Variants in GRIK2 observed in about 807,000 individuals in gnomAD.
GRIK2 encodes the protein glutamate receptor ionotropic, kainate 2.
GRIK2 carries 32 observed loss-of-function variants against 100.3 expected under a neutral mutation model. The observed-to-expected ratio is 0.32, with a 90% CI of 0.24 to 0.43. The LOEUF (loss-of-function observed/expected upper bound fraction) is 0.43. Among genes scored for constraint, GRIK2 ranks in the 20% least tolerant of loss-of-function variants. The pLI is 1.00. For synonymous variants in GRIK2, 417 were observed against 389.4 expected, an observed-to-expected ratio of 1.07 and a Z score of -0.83; for missense variants, 843 against 1,114.9, an observed-to-expected ratio of 0.76 and a Z score of 3.47.
intron 4 of GRIK2, among the ~76,000 whole-genome samples, chr6:101,659,797 C>G (rs1389629935): frequency 6.6e-6 from 1 of 152,052 alleles, no homozygotes; most frequent in East Asian, 1.9e-4. Context: ...GAATATTGGC[C>G]CCCACTCTCT....
intron 4 of GRIK2, among the ~76,000 whole-genome samples, chr6:101,650,025 T>G (rs2128327945): frequency 6.6e-6 from 1 of 152,242 alleles, no homozygotes; most frequent in Non-Finnish European, 1.5e-5. Flanking sequence ...AGACAAGCTC[T>G]TTGCAACAGG....
intron 14 of GRIK2, among the ~76,000 whole-genome samples, chr6:102,015,667 CT>C (rs1422967173): frequency 6.6e-6 from 1 of 152,190 alleles, no homozygotes; most frequent in Non-Finnish European, 1.5e-5. Flanking sequence ...GCTGCTGCTG[CT>C]ACTGCTTCTG....
intron 9 of GRIK2, among the ~76,000 whole-genome samples, chr6:101,803,635 T>G (rs750947548): frequency 6.6e-6 from 1 of 151,924 alleles, no homozygotes; most frequent in Non-Finnish European, 1.5e-5. Context: ...GAGTTTATCT[T>G]ACTGTTTACT....
At chr6:101,444,204 C>T (rs892292557) in intron 2 of GRIK2, among the ~76,000 whole-genome samples, 1 of 152,012 alleles carries the variant, frequency 6.6e-6, no homozygotes, top group Non-Finnish European at 1.5e-5. Flanking sequence ...CAGGCATGTG[C>T]CACCACATCC....
At chr6:101,930,356 A>AAAT (rs147211262) in intron 14 of GRIK2, among the ~76,000 whole-genome samples, 125,610 of 149,638 alleles carry the variant, frequency 0.84, 52,602 homozygotes, top group East Asian at 0.92. Flanking sequence ...AAAAAAAAAT[A>AAAT]AAATAAAATA....
chr6:101,798,610 A>G (rs1399309817), intron 7 of GRIK2, among the ~76,000 whole-genome samples: 3 of 151,998 alleles, frequency 2.0e-5, no homozygotes, highest in Non-Finnish European at 2.9e-5. Flanking sequence ...ATTGTGGCAA[A>G]TGCTGTAATC....
chr6:101,469,332 C>G (rs934224609), intron 2 of GRIK2, among the ~76,000 whole-genome samples: 1 of 152,068 alleles, frequency 6.6e-6, no homozygotes, highest in Non-Finnish European at 1.5e-5. Context: ...CTACCTTTCC[C>G]ACACTCCTTA....
At chr6:101,873,178 G>C (rs922040371) in intron 11 of GRIK2, among the ~76,000 whole-genome samples, 6 of 151,712 alleles carry the variant, frequency 4.0e-5, no homozygotes, top group African/African-American at 9.7e-5. Flanking sequence ...CATGTGCCAC[G>C]TTGGTGTGCT....
intron 2 of GRIK2, among the ~76,000 whole-genome samples, chr6:101,565,935 GTATATATA>G (rs60158757): frequency 2.9e-4 from 32 of 109,500 alleles, no homozygotes; most frequent in African/African-American, 1.2e-3. Context: ...ATATATATGT[GTATATATA>G]TATATATATA....
At chr6:101,858,378 T>A (rs901442711) in intron 10 of GRIK2, among the ~76,000 whole-genome samples, 12 of 146,488 alleles carry the variant, frequency 8.2e-5, no homozygotes, top group Non-Finnish European at 1.2e-4. Flanking sequence ...CTCTCTCTAT[T>A]TTTTTTTCTT....
rs545780945 is a variant in GRIK2 at position 101,930,926 on chromosome 6, T to C, written c.2085+2294T>C. Reference sequence around the variant, plus strand: ...TTCCAACAGCACATATATTATTTCTTTAGAATTGTATTTGGAATGTACACA... The same window carrying C: ...TTCCAACAGCACATATATTATTTCTCTAGAATTGTATTTGGAATGTACACA... On this transcript the variant is annotated intron_variant, in intron 14 of 16. Transcript: ENST00000369134. 3.4e-4 allele frequency among the ~76,000 whole-genome samples: 52 copies of C among 152,254 alleles called. 1 individual carries two copies. In the South Asian group the frequency reaches 0.011, roughly 31 times the overall value.
chr6:101,470,311 T>C lies in GRIK2; in HGVS notation c.115+70919T>C, dbSNP rs950401239. Among the ~76,000 whole-genome samples, 5 of 152,266 alleles carry C rather than the reference T, an allele frequency of 3.3e-5. 1 individual carries two copies. The East Asian group carries it at 7.7e-4, about 24-fold the overall frequency. On this transcript the variant is annotated intron_variant, in intron 2 of 16. Transcript: ENST00000369134. ...TTCTAGCTGACTTGAGTTGGCTTTC[T>C]TTCACTTTCCCTGAGAGACACTCTT...
chr6:101,548,857 G>A (rs1041518656), intron 2 of GRIK2, among the ~76,000 whole-genome samples: 6 of 152,176 alleles, frequency 3.9e-5, no homozygotes, highest in African/African-American at 1.4e-4. Flanking sequence ...GTATGGATAT[G>A]TAGAAGTATA....
chr6:101,918,412 G>C (rs1789260492), intron 12 of GRIK2, among the ~76,000 whole-genome samples: 1 of 151,542 alleles, frequency 6.6e-6, no homozygotes, highest in Non-Finnish European at 1.5e-5. Flanking sequence ...TCAAATTAAT[G>C]TTGAATTAGC....
chr6:101,729,975 A>G (rs1041520558), intron 7 of GRIK2, among the ~76,000 whole-genome samples: 2 of 151,936 alleles, frequency 1.3e-5, no homozygotes, highest in Admixed American at 1.3e-4. Context: ...TGTTTACATA[A>G]TTATTTGTAA....
intron 14 of GRIK2, among the ~76,000 whole-genome samples, chr6:101,988,208 T>C (rs1015471596): frequency 1.3e-5 from 2 of 151,174 alleles, no homozygotes; most frequent in African/African-American, 4.9e-5. Flanking sequence ...TATGTGTGTT[T>C]ATGTTTTGTG....
At chr6:101,539,786 A>ATT (rs1220493349) in intron 2 of GRIK2, among the ~76,000 whole-genome samples, 1 of 151,106 alleles carries the variant, frequency 6.6e-6, no homozygotes, top group Non-Finnish European at 1.5e-5. Flanking sequence ...TGGCTGTAGG[A>ATT]TTTTTTTTTA....
At chr6:101,634,627 G>T (rs1780918993) in intron 4 of GRIK2, among the ~76,000 whole-genome samples, 1 of 151,958 alleles carries the variant, frequency 6.6e-6, no homozygotes, top group Non-Finnish European at 1.5e-5. Context: ...TAGTACAAAA[G>T]AAATGAGTTA....
chr6:101,678,977 A>G (rs913541818), intron 5 of GRIK2, among the ~76,000 whole-genome samples: 3 of 152,178 alleles, frequency 2.0e-5, no homozygotes, highest in African/African-American at 4.8e-5. Flanking sequence ...AGGCAAGTTG[A>G]GTACACTAAT....
Sources: gnomAD v4.1 joint callset for allele counts (sites outside exome capture counted in the v4.1 genomes callset) on GRCh38, gnomAD v4.1.1 for gene constraint, MANE v1.5 for transcripts, NCBI Gene and HGNC (gene_info 2026-07-23, HGNC 2026-07-21) for gene names.